The following RBFOX1 variants were observed in gnomAD, a reference collection of about 807,000 sequenced individuals.
The protein encoded by RBFOX1 is RNA binding protein fox-1 homolog 1.
A neutral mutation model predicts 57.7 loss-of-function variants in RBFOX1; 8 were observed. The ratio of observed to expected loss-of-function variants is 0.14; its 90% CI spans 0.08 to 0.25. The LOEUF (loss-of-function observed/expected upper bound fraction) is 0.25. Among genes scored for constraint, RBFOX1 ranks in the 10% least tolerant of loss-of-function variants. RBFOX1 has a pLI of 1.00. For missense variants in RBFOX1, 611 were observed against 548.5 expected (o/e 1.11, Z -1.14); for synonymous variants, 326 against 222.4 (o/e 1.47, Z -4.15).
At chr16:7,674,095 A>T (rs1230556534) in intron 13 of RBFOX1, among the ~76,000 whole-genome samples, 1 of 152,248 alleles carries the variant, frequency 6.6e-6, no homozygotes, top group African/African-American at 2.4e-5. Context: ...TTTATATTTT[A>T]CAGTGTATGT....
chr16:6,683,466 A>C (rs184898373), intron 3 of RBFOX1, among the ~76,000 whole-genome samples: 3 of 152,330 alleles, frequency 2.0e-5, no homozygotes, highest in African/African-American at 7.2e-5. Context: ...TTAGGAGAAA[A>C]AAATACCTGT....
At chr16:7,200,946 G>T (rs939438162) in intron 4 of RBFOX1, among the ~76,000 whole-genome samples, 1 of 152,158 alleles carries the variant, frequency 6.6e-6, no homozygotes, top group African/African-American at 2.4e-5. Context: ...GTTTAAGATG[G>T]AATATGTAGC....
chr16:7,023,775 A>T (rs749169962), intron 3 of RBFOX1, among the ~76,000 whole-genome samples: 1 of 152,016 alleles, frequency 6.6e-6, no homozygotes, highest in African/African-American at 2.4e-5. Context: ...ACTTAGCTCA[A>T]ATACAGCCTC....
At chr16:7,363,807 C>T (rs1358302232) in intron 4 of RBFOX1, among the ~76,000 whole-genome samples, 2 of 151,944 alleles carry the variant, frequency 1.3e-5, no homozygotes, top group Admixed American at 6.6e-5. Flanking sequence ...AAAATAAGTG[C>T]CCAGAATCTC....
intron 14 of RBFOX1, among the ~76,000 whole-genome samples, chr16:7,679,632 C>T (rs1010442966): frequency 6.6e-6 from 1 of 152,112 alleles, no homozygotes; most frequent in Non-Finnish European, 1.5e-5. Context: ...ATTAAGCCCT[C>T]ATCAAATGAA....
intron 2 of RBFOX1, among the ~76,000 whole-genome samples, chr16:6,380,507 T>A (rs1482251703): frequency 7.1e-6 from 1 of 141,560 alleles, no homozygotes; most frequent in African/African-American, 2.6e-5. Flanking sequence ...GGTCTAGAGA[T>A]GGCAGCACAG....
chr16:7,401,764 T>C (rs1255508066), intron 4 of RBFOX1, among the ~76,000 whole-genome samples: 13 of 152,168 alleles, frequency 8.5e-5, no homozygotes, highest in African/African-American at 3.1e-4. Context: ...AACAGACATA[T>C]TGGCACAACT....
intron 4 of RBFOX1, among the ~76,000 whole-genome samples, chr16:7,099,497 T>A (rs2062287710): frequency 6.6e-6 from 1 of 152,206 alleles, no homozygotes; most frequent in East Asian, 1.9e-4. Context: ...TCTTCTCTTC[T>A]CCTATTACTT....
chr16:7,011,150 A>C (rs1388663364), intron 3 of RBFOX1, among the ~76,000 whole-genome samples: 1 of 152,168 alleles, frequency 6.6e-6, no homozygotes, highest in African/African-American at 2.4e-5. Flanking sequence ...TGAAAAGTCA[A>C]AAACTGCAGA....
intron 3 of RBFOX1, among the ~76,000 whole-genome samples, chr16:6,743,754 C>G (rs1357263419): frequency 6.6e-6 from 1 of 151,152 alleles, no homozygotes; most frequent in Non-Finnish European, 1.5e-5. Context: ...AACACCCTGT[C>G]TCAAAAGGAA....
At chr16:5,439,039 G>A (rs529276322) in intron 1 of RBFOX1, among the ~76,000 whole-genome samples, 19 of 149,946 alleles carry the variant, frequency 1.3e-4, no homozygotes, top group South Asian at 2.2e-4. Context: ...TAATGGGGGG[G>A]GGGGCATAGT....
At chr16:6,626,031 C>T (rs2098299953) in intron 2 of RBFOX1, among the ~76,000 whole-genome samples, 2 of 152,042 alleles carry the variant, frequency 1.3e-5, no homozygotes, top group Non-Finnish European at 2.9e-5. Flanking sequence ...AAAGAAACAG[C>T]TTCACCTAAT....
chr16:5,678,941 G>A (rs943820076), intron 3 of RBFOX1, among the ~76,000 whole-genome samples: 1 of 152,202 alleles, frequency 6.6e-6, no homozygotes, highest in Non-Finnish European at 1.5e-5. Context: ...TAATGCGGAG[G>A]ATGTAGGTAC....
intron 10 of RBFOX1, among the ~76,000 whole-genome samples, chr16:7,628,744 C>G (rs1229993553): frequency 2.6e-5 from 4 of 152,066 alleles, no homozygotes; most frequent in Admixed American, 6.5e-5. Flanking sequence ...TCCTGAGTAG[C>G]TGGAATTACA....
chr16:5,510,082 C>T (rs532461559), intron 2 of RBFOX1, among the ~76,000 whole-genome samples: 4 of 152,186 alleles, frequency 2.6e-5, no homozygotes, highest in African/African-American at 7.2e-5. Context: ...CCCACAGCGT[C>T]GAGCACAGGG....
intron 4 of RBFOX1, among the ~76,000 whole-genome samples, chr16:7,411,556 A>C (rs1472486589): frequency 1.3e-5 from 2 of 152,160 alleles, no homozygotes; most frequent in African/African-American, 2.4e-5. Context: ...ACATCAGTCA[A>C]CTTCCAGTTG....
chr16:7,309,221 G>A (rs1282005552), intron 4 of RBFOX1, among the ~76,000 whole-genome samples: 6 of 152,196 alleles, frequency 3.9e-5, no homozygotes, highest in Admixed American at 3.3e-4. Context: ...CCGATTAAGA[G>A]AAGGCATGAA....
Position 6,985,479 on chromosome 16 carries a change from C to T in RBFOX1, c.-15-66578C>T, listed in dbSNP as rs116099655. Among the ~76,000 whole-genome samples, 458 of 152,240 alleles carry T rather than the reference C, an allele frequency of 3.0e-3. 1 individual carries two copies. The highest frequency in any genetic ancestry group is 0.01 in the African/African-American group (436 of 41,540). ...CCTGGGCAAAATAGCTAGTCCACAT[C>T]TCTTAAAAAATTAATTAACTAAAGA... On this transcript the variant is annotated intron_variant, in intron 3 of 15. Transcript: ENST00000550418.
chr16:7,342,151 T>C (rs978661112), intron 4 of RBFOX1, among the ~76,000 whole-genome samples: 9 of 152,134 alleles, frequency 5.9e-5, no homozygotes, highest in African/African-American at 2.2e-4. Flanking sequence ...AGTCTGGCCA[T>C]TACTCTCTCT....
Sources: allele counts gnomAD v4.1 joint callset (sites outside exome capture counted in the v4.1 genomes callset), GRCh38; gene constraint gnomAD v4.1.1; transcripts MANE v1.5; gene names NCBI Gene and HGNC (gene_info 2026-07-23, HGNC 2026-07-21).